The following SHKBP1 variants were observed in gnomAD, a reference collection of about 807,000 sequenced individuals.
SHKBP1 encodes the protein SH3KBP1-binding protein 1.
In SHKBP1, 71 loss-of-function variants were observed where a neutral mutation model predicts 83.9. That is an observed-to-expected ratio of 0.85 (90% CI 0.70 to 1.03). The LOEUF is 1.03. Among genes scored for constraint, SHKBP1 ranks in the 50% least tolerant of loss-of-function variants. SHKBP1 has a pLI of 0.00. For synonymous variants in SHKBP1, 371 were observed against 398.0 expected (o/e 0.93, Z 0.81); for missense variants, 824 against 982.4 (o/e 0.84, Z 2.16).
chr19:40,577,948 T>TACACACACACAC (rs58880858), intron 4 of SHKBP1: 114 of 567,642 alleles, frequency 2.0e-4, no homozygotes, highest in Non-Finnish European at 2.7e-4. Context: ...GATTTCTCCC[T>TACACACACACAC]ACACACACAC....
intron 12 of SHKBP1, among the ~76,000 whole-genome samples, chr19:40,584,064 C>T (rs770431641): frequency 6.6e-6 from 1 of 152,138 alleles, no homozygotes; most frequent in Non-Finnish European, 1.5e-5. Context: ...TGGTCTTGAA[C>T]TCCTGACCTC....
chr19:40,583,305 G>C, intron 10 of SHKBP1, 93 bp from the exon 11 acceptor site: 1 of 1,041,458 alleles, frequency 9.6e-7, no homozygotes, highest in Non-Finnish European at 1.4e-6. Flanking sequence ...GGTTCTGGAG[G>C]TGGAGGAGAG....
At chr19:40,589,849 G>A (rs1417662969) in intron 15 of SHKBP1, among the ~76,000 whole-genome samples, 5 of 152,006 alleles carry the variant, frequency 3.3e-5, no homozygotes, top group Non-Finnish European at 7.4e-5. Flanking sequence ...AGATGCGGGC[G>A]GGCCTTGTCA....
At chr19:40,589,059 A>AC in intron 14 of SHKBP1, 23 bp from the exon 15 acceptor site, 8 of 1,605,818 alleles carry the variant, frequency 5.0e-6, no homozygotes, top group Non-Finnish European at 6.8e-6. Flanking sequence ...GCTGGCCCTG[A>AC]CCCCTGCCCC....
At chr19:40,586,131 A>G (rs2081309862) in intron 12 of SHKBP1, among the ~76,000 whole-genome samples, 1 of 151,924 alleles carries the variant, frequency 6.6e-6, no homozygotes, top group Non-Finnish European at 1.5e-5. Context: ...CTGGCCTCAA[A>G]CGCCTGGCCT....
Position 40,576,931 on chromosome 19 carries a change from T to TC in SHKBP1, c.36dup (p.Ser13GlnfsTer47). On this transcript the variant is annotated frameshift_variant, in exon 1 of 18. Coordinates refer to ENST00000291842, the MANE Select transcript of SHKBP1 (RefSeq NM_138392.4). LOFTEE classifies it high-confidence loss of function. ...GCAGCGGCTACTGCAGCCGAGGGGG[T>TC]CCCCAGTCGGGGGCCTCCCGGGGAA... 6.8e-7 allele frequency: 1 copy of TC among 1,467,838 alleles called. No homozygotes were observed. The allele number at this position is 1,467,838 out of a possible 1,614,324, so 90.9% of individuals were successfully genotyped here.
At chr19:40,577,141 A>T in intron 1 of SHKBP1, 90 bp from the exon 2 acceptor site, 1 of 1,493,680 alleles carries the variant, frequency 6.7e-7, no homozygotes, top group East Asian at 2.3e-5. Flanking sequence ...GGGAGGGGGA[A>T]GGGGAGGGAA....
chr19:40,577,703 T>C, intron 4 of SHKBP1, 73 bp downstream of exon 4: 1 of 1,500,334 alleles, frequency 6.7e-7, no homozygotes, highest in Non-Finnish European at 9.3e-7. Flanking sequence ...CTCCTCTGAA[T>C]GTCCACGTGA....
At chr19:40,582,778 C>T (rs1026368996) in intron 10 of SHKBP1, among the ~76,000 whole-genome samples, 5 of 151,852 alleles carry the variant, frequency 3.3e-5, no homozygotes, top group African/African-American at 9.7e-5. Flanking sequence ...TGGCTTGGCT[C>T]GGTGGCTCAC....
At chr19:40,585,655 C>G (rs868238725) in intron 12 of SHKBP1, 28 of 149,288 alleles carry the variant, frequency 1.9e-4, no homozygotes, top group African/African-American at 6.4e-4. Flanking sequence ...TCAAGCAATT[C>G]TCCAGACTCA....
Position 40,578,505 on chromosome 19 carries a change from T to G in SHKBP1, c.363T>G (p.Cys121Trp). ...QLREELDRSS[C>W]GNVLFNGYLP... is the part of the protein sequence containing the mutation. ...GAGAGGAGTTGGATCGATCTTCTTG[T>G]GGAAACGTCCTCTTCAATGGTTACC... The change falls in exon 6 of 18, where the codon TGT becomes TGG. Residue 121 changes from cysteine to tryptophan, a missense_variant. Cys to Trp is a radical substitution (Grantham distance 215). Transcript: ENST00000291842. The G allele has an allele frequency of 6.2e-7, 1 of 1,614,176 alleles. No individual in the cohort carries two copies.
Position 40,590,500 on chromosome 19 carries a change from ATC to A in SHKBP1, c.1768+85_1768+86del. The A allele has an allele frequency of 6.8e-7, 1 of 1,481,474 alleles. No individual in the cohort carries two copies. The highest frequency in any genetic ancestry group is 1.4e-5 in the African/African-American group (1 of 71,164). 91.8% of individuals were successfully genotyped at this position (1,481,474 alleles called of 1,614,324 possible). ...ACCACTCTCCACTGCCAACTGCTTG[ATC>A]TCTCTCCCAGGCCCTTGCCCTCTGA... On this transcript the variant is annotated intron_variant, in intron 16 of 17. Coordinates refer to ENST00000291842, the MANE Select transcript of SHKBP1 (RefSeq NM_138392.4). The surrounding 1 kb of genome is among the most constrained non-coding windows in gnomAD (Gnocchi z 4.6).
intron 10 of SHKBP1, among the ~76,000 whole-genome samples, chr19:40,583,145 CA>C (rs1383424798): frequency 2.0e-5 from 3 of 151,784 alleles, no homozygotes; most frequent in African/African-American, 7.3e-5. Flanking sequence ...TCTGTCTCTA[CA>C]AAAAATTTAA....
At chr19:40,584,461 G>GTTC (rs1246203029) in intron 12 of SHKBP1, among the ~76,000 whole-genome samples, 1 of 152,146 alleles carries the variant, frequency 6.6e-6, no homozygotes, top group Non-Finnish European at 1.5e-5. Context: ...TTTCCCATTT[G>GTTC]AACGTGCACA....
intron 12 of SHKBP1, chr19:40,585,789 C>T (rs765575069): frequency 2.0e-5 from 3 of 152,148 alleles, no homozygotes; most frequent in Admixed American, 1.3e-4. Flanking sequence ...ATTCTCCTCT[C>T]GTCGTCTCCC....
intron 15 of SHKBP1, 133 bp downstream of exon 15, chr19:40,589,311 C>A: frequency 2.2e-6 from 2 of 896,394 alleles, no homozygotes; most frequent in South Asian, 1.5e-5. Context: ...ATTGAAGGAG[C>A]AAAGGCTGGG....
At chr19:40,577,767 C>T (rs1184127884) in intron 4 of SHKBP1, 137 bp downstream of exon 4, 7 of 1,105,452 alleles carry the variant, frequency 6.3e-6, no homozygotes, top group African/African-American at 6.2e-5. Flanking sequence ...CCGGGCGCGC[C>T]GGGATTGCTC....
At chr19:40,587,506 G>A (rs2081322133) in intron 13 of SHKBP1, among the ~76,000 whole-genome samples, 2 of 152,208 alleles carry the variant, frequency 1.3e-5, no homozygotes, top group African/African-American at 4.8e-5. Flanking sequence ...GAGGAGAATT[G>A]CTTGAACCTG....
At position 40,580,665 on chromosome 19, in the gene SHKBP1, G is replaced by A. The variant is rs773513018; in HGVS notation, c.653+9G>A. ...TTTCTAGTCTGCTACAGGTGCTTGG[G>A]GAGGGAGTGGCAGGAGGTCCCAGCC... On this transcript the variant is annotated intron_variant, in intron 8 of 17. Transcript: ENST00000291842. 6 of 1,614,154 alleles carry A rather than the reference G, an allele frequency of 3.7e-6. No homozygotes were observed. Among genetic ancestry groups the A allele is most frequent in the East Asian group, 4.5e-5 (2 of 44,880 alleles).
Sources: allele counts gnomAD v4.1 joint callset (sites outside exome capture counted in the v4.1 genomes callset), GRCh38; gene constraint gnomAD v4.1.1; non-coding constraint Gnocchi (gnomAD v3.1); transcripts MANE v1.5; gene names NCBI Gene and HGNC (gene_info 2026-07-23, HGNC 2026-07-21).